Variants in RELN observed in about 807,000 individuals in gnomAD.
RELN encodes the protein reelin.
In RELN, 108 loss-of-function variants were observed where a neutral mutation model predicts 427.6. The ratio of observed to expected loss-of-function variants is 0.25; its 90% CI spans 0.22 to 0.30. The LOEUF (loss-of-function observed/expected upper bound fraction) is 0.30, where lower values mean the gene tolerates loss of function less well. Among genes scored for constraint, RELN ranks in the 10% least tolerant of loss-of-function variants. The probability of loss-of-function intolerance (pLI) is 1.00; values close to 1 mark genes in which losing one functional copy is unlikely to be tolerated. For synonymous variants in RELN, 1,524 were observed against 1,513.4 expected (o/e 1.01, Z -0.16); for missense variants, 3,715 against 4,302.8 (o/e 0.86, Z 3.82).
chr7:103,525,948 C>T (rs1036394886), intron 46 of RELN, among the ~76,000 whole-genome samples: 1 of 152,174 alleles, frequency 6.6e-6, no homozygotes, highest in African/African-American at 2.4e-5. Context: ...GATGGAGCTT[C>T]ATAAACATTT....
At chr7:103,491,035 A>C (rs117794683) in intron 58 of RELN, among the ~76,000 whole-genome samples, 1 of 152,368 alleles carries the variant, frequency 6.6e-6, no homozygotes, top group East Asian at 1.9e-4. Flanking sequence ...GCACACGGAC[A>C]ACAGAATAAA....
At chr7:103,708,620 C>T (rs920438161) in intron 8 of RELN, among the ~76,000 whole-genome samples, 10 of 151,880 alleles carry the variant, frequency 6.6e-5, no homozygotes, top group African/African-American at 9.7e-5. Context: ...CCCGCCAACA[C>T]GCCCGGCTAA....
intron 1 of RELN, among the ~76,000 whole-genome samples, chr7:103,981,631 T>G (rs1796991926): frequency 6.6e-6 from 1 of 152,202 alleles, no homozygotes; most frequent in African/African-American, 2.4e-5. Context: ...AACAACTTAA[T>G]TTTTCTCACA....
chr7:103,862,409 T>TTCTATCTATCTA (rs66998908), intron 2 of RELN, among the ~76,000 whole-genome samples: 469 of 144,828 alleles, frequency 3.2e-3, no homozygotes, highest in Admixed American at 4.3e-3. Context: ...TATGCTTTTG[T>TTCTATCTATCTA]TCTATCTATC....
At chr7:103,731,313 G>A (rs968371113) in intron 6 of RELN, among the ~76,000 whole-genome samples, 37 of 152,086 alleles carry the variant, frequency 2.4e-4, no homozygotes, top group African/African-American at 8.7e-4. Context: ...TGAACTGTTA[G>A]TTCAGTGGGT....
At chr7:103,549,124 A>T (rs1205435403) in intron 41 of RELN, among the ~76,000 whole-genome samples, 2 of 152,140 alleles carry the variant, frequency 1.3e-5, no homozygotes, top group Non-Finnish European at 2.9e-5. Flanking sequence ...ACTGCTCTGT[A>T]TCTAGAAGCC....
chr7:103,728,234 G>A (rs370063028), intron 6 of RELN, 27 bp from the exon 7 acceptor site: 96 of 1,605,442 alleles, frequency 6.0e-5, no homozygotes, highest in Middle Eastern at 5.0e-4. Context: ...CACAGTCCCC[G>A]TCTGAGAACT....
intron 3 of RELN, among the ~76,000 whole-genome samples, chr7:103,821,315 G>A (rs1793009415): frequency 6.6e-6 from 1 of 152,146 alleles, no homozygotes; most frequent in Admixed American, 6.6e-5. Flanking sequence ...AGGACATTGA[G>A]TCCATAATTA....
At chr7:103,607,860 G>C (rs1831855354) in intron 22 of RELN, among the ~76,000 whole-genome samples, 1 of 152,150 alleles carries the variant, frequency 6.6e-6, no homozygotes, top group Non-Finnish European at 1.5e-5. Flanking sequence ...ATAGCTGTTT[G>C]GGTCTCATCA....
At chr7:103,938,064 T>C (rs1013800924) in intron 1 of RELN, among the ~76,000 whole-genome samples, 20 of 152,210 alleles carry the variant, frequency 1.3e-4, no homozygotes, top group African/African-American at 4.8e-4. Context: ...CTCATGCCTG[T>C]AATCCCAGCT....
At chr7:103,898,135 T>C (rs1044253772) in intron 2 of RELN, among the ~76,000 whole-genome samples, 2 of 151,954 alleles carry the variant, frequency 1.3e-5, no homozygotes, top group Non-Finnish European at 2.9e-5. Flanking sequence ...CTTAAGTAGG[T>C]GAGTGTGGAT....
At chr7:103,710,344 A>C (rs1341438914) in intron 8 of RELN, among the ~76,000 whole-genome samples, 1 of 152,168 alleles carries the variant, frequency 6.6e-6, no homozygotes, top group Non-Finnish European at 1.5e-5. Flanking sequence ...TTGGAAATAC[A>C]TTTATTTTGG....
At chr7:103,789,463 G>C (rs1010166844) in intron 3 of RELN, among the ~76,000 whole-genome samples, 3 of 152,016 alleles carry the variant, frequency 2.0e-5, no homozygotes, top group African/African-American at 7.3e-5. Flanking sequence ...TTAATATCCA[G>C]AATATACAAG....
intron 1 of RELN, among the ~76,000 whole-genome samples, chr7:103,974,241 A>C (rs933759728): frequency 5.3e-5 from 8 of 152,218 alleles, no homozygotes; most frequent in African/African-American, 1.9e-4. Flanking sequence ...GATCCAAAAC[A>C]ACCCTGTGTG....
In RELN at chr7:103,824,979, AAAT is replaced by A. The variant is rs67813535; in HGVS notation, c.473+8555_473+8557del. On this transcript the variant is annotated intron_variant, in intron 3 of 64. Coordinates refer to ENST00000428762, the MANE Select transcript of RELN (RefSeq NM_005045.4). The surrounding 1 kb of genome is among the most constrained non-coding windows in gnomAD (Gnocchi z 4.4). ...TGCGAGTTTTTGAAGCTCTTGCTTCAAATAATAGGTGGTTCTAGGAGAGTAAAG... is the reference window on the plus strand; with the variant it reads ...TGCGAGTTTTTGAAGCTCTTGCTTCAAATAGGTGGTTCTAGGAGAGTAAAG... Among the ~76,000 whole-genome samples, 27,546 of 151,814 alleles carry A rather than the reference AAAT, an allele frequency of 0.18. 2,670 individuals carry two copies. Among genetic ancestry groups the A allele is most frequent in the Non-Finnish European group, 0.21 (14,162 of 67,936 alleles).
In RELN at chr7:103,565,455, T is replaced by C. The variant is rs1299710161; in HGVS notation, c.5033A>G (p.Asn1678Ser). ...MSMGCSKPFSNSHSVQLQYSL... is the reference protein window; with the variant it reads ...MSMGCSKPFSSSHSVQLQYSL... ...ATACTGGAGCTGTACACTGTGGGAG[T>C]TGCTGAAGGGCTTGCTACAGCCCAT... The change falls in exon 34 of 65, where the codon AAC becomes AGC. Residue 1678 changes from asparagine to serine, a missense_variant. This residue lies in a region of RELN where 2,208 missense variants were observed against 2,361.7 expected (regional missense o/e 0.93). Transcript: ENST00000428762. 1 of 1,613,810 alleles carries C rather than the reference T, an allele frequency of 6.2e-7. No individual in the cohort carries two copies. The highest frequency in any genetic ancestry group is 8.5e-7 in the Non-Finnish European group (1 of 1,179,916).
Position 103,603,593 on chromosome 7 carries a change from T to C in RELN, c.3147-103A>G. 1.1e-6 allele frequency: 1 copy of C among 878,278 alleles called. No individual in the cohort carries two copies. The highest frequency in any genetic ancestry group is 1.9e-6 in the Non-Finnish European group (1 of 523,786). The allele number at this position is 878,278 out of a possible 1,614,324, so 54.4% of individuals were successfully genotyped here. On this transcript the variant is annotated intron_variant, in intron 23 of 64. Coordinates refer to ENST00000428762, the MANE Select transcript of RELN (RefSeq NM_005045.4). The surrounding 1 kb of genome is among the most constrained non-coding windows in gnomAD (Gnocchi z 4.3). ...CCATGTCTTACTTTTGCTCAGGTCT[T>C]ATCATTCACACTAGATTCTTCCCTA...
At chr7:103,741,497 T>C (rs1430979845) in intron 6 of RELN, among the ~76,000 whole-genome samples, 1 of 151,982 alleles carries the variant, frequency 6.6e-6, no homozygotes, top group Non-Finnish European at 1.5e-5. Flanking sequence ...GTTTTAATCA[T>C]GTCTGGGCTT....
Position 103,630,031 on chromosome 7 carries a change from G to T in RELN, c.2611C>A (p.Leu871Ile). 6.2e-7 allele frequency: 1 copy of T among 1,613,716 alleles called. No individual in the cohort carries two copies. The highest frequency in any genetic ancestry group is 1.1e-5 in the South Asian group (1 of 91,066). Residue 871 changes from leucine (L) to isoleucine (I), a missense_variant, in exon 20 of 65, where the codon CTT (leucine) becomes ATT (isoleucine). Leu to Ile is a conservative substitution (Grantham distance 5). This residue lies in a region of RELN where 2,208 missense variants were observed against 2,361.7 expected (regional missense o/e 0.93). Transcript: ENST00000428762. ...ACCTCCACAAGATTGGTAAAGTCAA[G>T]ACTAATGCTGTTGAAAAGCACAGAT... ...MTSVLFNSIS[L>I]DFTNLVEVTQ...
Sources: allele counts gnomAD v4.1 joint callset (sites outside exome capture counted in the v4.1 genomes callset), GRCh38; gene constraint gnomAD v4.1.1; regional missense constraint gnomAD v4.1.1; non-coding constraint Gnocchi (gnomAD v3.1); transcripts MANE v1.5; gene names NCBI Gene and HGNC (gene_info 2026-07-23, HGNC 2026-07-21).